The following DPYD variants were observed in gnomAD, a reference collection of about 807,000 sequenced individuals.
DPYD encodes dihydropyrimidine dehydrogenase.
Under a neutral mutation model 116.2 loss-of-function variants are expected in DPYD, and 109 were observed. The observed-to-expected ratio is 0.94, with a 90% CI of 0.80 to 1.10. The LOEUF is 1.10. Ranked by LOEUF, DPYD falls within the 50% of genes least tolerant of loss-of-function variation. The pLI, the probability that DPYD is intolerant of heterozygous loss-of-function variation, is 0.00. For missense variants in DPYD, 1,302 were observed against 1,254.5 expected (o/e 1.04, Z -0.57); for synonymous variants, 440 against 432.0 (o/e 1.02, Z -0.23).
chr1:97,548,646 G>A (rs970067703), intron 12 of DPYD, among the ~76,000 whole-genome samples: 5 of 152,156 alleles, frequency 3.3e-5, no homozygotes, highest in Admixed American at 2.6e-4. Flanking sequence ...TGAGGCATAA[G>A]AATTGCTTGA....
intron 20 of DPYD, among the ~76,000 whole-genome samples, chr1:97,116,774 T>C (rs1651997675): frequency 6.6e-6 from 1 of 152,142 alleles, no homozygotes; most frequent in South Asian, 2.1e-4. Flanking sequence ...ACAGGATTAA[T>C]TTTTGTACAC....
intron 21 of DPYD, among the ~76,000 whole-genome samples, chr1:97,097,670 C>T (rs1223955144): frequency 6.6e-6 from 1 of 152,114 alleles, no homozygotes; most frequent in African/African-American, 2.4e-5. Flanking sequence ...GTGGTGATGT[C>T]ACTGTTTTGC....
chr1:97,290,917 A>T (rs981894821), intron 18 of DPYD, among the ~76,000 whole-genome samples: 2 of 151,864 alleles, frequency 1.3e-5, no homozygotes, highest in African/African-American at 4.8e-5. Context: ...AAATGGGAGA[A>T]AATTTTCACA....
At chr1:97,624,065 G>T (rs1235836688) in intron 8 of DPYD, among the ~76,000 whole-genome samples, 1 of 151,942 alleles carries the variant, frequency 6.6e-6, no homozygotes, top group Non-Finnish European at 1.5e-5. Context: ...CATTGGTCTG[G>T]GAAATGATGT....
At chr1:97,287,370 G>C (rs926282035) in intron 18 of DPYD, among the ~76,000 whole-genome samples, 1 of 152,184 alleles carries the variant, frequency 6.6e-6, no homozygotes, top group Non-Finnish European at 1.5e-5. Context: ...CTGCTCGGGG[G>C]TCAGGGGTCA....
At chr1:97,362,665 T>C (rs1034817363) in intron 16 of DPYD, among the ~76,000 whole-genome samples, 16 of 152,172 alleles carry the variant, frequency 1.1e-4, no homozygotes, top group Non-Finnish European at 1.5e-5. Context: ...TACAACCATC[T>C]GATCTTTGAC....
At chr1:97,695,529 C>T (rs1290384017) in intron 6 of DPYD, among the ~76,000 whole-genome samples, 2 of 150,898 alleles carry the variant, frequency 1.3e-5, no homozygotes, top group Non-Finnish European at 1.5e-5. Context: ...AGGCACTTTG[C>T]CTTGTTTACT....
intron 16 of DPYD, among the ~76,000 whole-genome samples, chr1:97,316,602 G>A (rs188115718): frequency 7.4e-4 from 112 of 151,096 alleles, no homozygotes; most frequent in Non-Finnish European, 1.3e-3. Flanking sequence ...TTCCAGGTGT[G>A]TTGGGCCTCC....
At chr1:97,555,635 A>G (rs1651641155) in intron 11 of DPYD, among the ~76,000 whole-genome samples, 1 of 152,092 alleles carries the variant, frequency 6.6e-6, no homozygotes, top group Non-Finnish European at 1.5e-5. Flanking sequence ...TTGTCCCACA[A>G]TTCACAGAGA....
chr1:97,466,853 T>C (rs1677352943), intron 13 of DPYD, among the ~76,000 whole-genome samples: 1 of 152,044 alleles, frequency 6.6e-6, no homozygotes, highest in African/African-American at 2.4e-5. Context: ...TTTTCATATA[T>C]TACCCATAAA....
At chr1:97,274,327 C>A (rs1205173493) in intron 18 of DPYD, among the ~76,000 whole-genome samples, 14 of 152,036 alleles carry the variant, frequency 9.2e-5, no homozygotes, top group Non-Finnish European at 1.5e-5. Flanking sequence ...TGCATGAGTT[C>A]TAGCAATCTA....
chr1:97,910,200 T>C (rs967125728), intron 1 of DPYD, among the ~76,000 whole-genome samples: 4 of 152,134 alleles, frequency 2.6e-5, no homozygotes, highest in Admixed American at 6.6e-5. Context: ...TTTTTTACTA[T>C]TGTTCCTCCA....
intron 19 of DPYD, among the ~76,000 whole-genome samples, chr1:97,219,086 C>T (rs773032487): frequency 9.9e-5 from 15 of 152,088 alleles, no homozygotes; most frequent in Non-Finnish European, 2.2e-4. Context: ...GTGGCCATAA[C>T]CCATGAGTTT....
chr1:97,134,776 G>A (rs1394357936), intron 20 of DPYD, among the ~76,000 whole-genome samples: 4 of 152,144 alleles, frequency 2.6e-5, no homozygotes, highest in Admixed American at 2.0e-4. Flanking sequence ...GGCCACGTGA[G>A]ATGTTGCTTC....
intron 13 of DPYD, among the ~76,000 whole-genome samples, chr1:97,508,412 C>T (rs914889004): frequency 6.6e-6 from 1 of 151,956 alleles, no homozygotes; most frequent in Admixed American, 6.6e-5. Context: ...GCCAGTGTGG[C>T]TGGCAAAAAA....
At chr1:97,487,490 G>A (rs532294362) in intron 13 of DPYD, among the ~76,000 whole-genome samples, 133 of 152,138 alleles carry the variant, frequency 8.7e-4, no homozygotes, top group Non-Finnish European at 1.6e-3. Flanking sequence ...TGGCTAACAC[G>A]GTGAAACCCC....
chr1:97,802,871 G>A (rs1358060114), intron 3 of DPYD, among the ~76,000 whole-genome samples: 1 of 151,746 alleles, frequency 6.6e-6, no homozygotes, highest in Non-Finnish European at 1.5e-5. Context: ...TTTTTGTGAT[G>A]TTTGCTGTTC....
chr1:97,904,880 C>G (rs1039041472), intron 1 of DPYD, among the ~76,000 whole-genome samples: 1 of 151,966 alleles, frequency 6.6e-6, no homozygotes, highest in African/African-American at 2.4e-5. Context: ...ACTCAAAATT[C>G]CATATCAATC....
intron 5 of DPYD, among the ~76,000 whole-genome samples, chr1:97,710,730 A>T (rs950275621): frequency 1.3e-5 from 2 of 151,550 alleles, no homozygotes; most frequent in African/African-American, 4.8e-5. Context: ...GAAAAAAAAC[A>T]TAGACTCTCC....
Sources: allele counts gnomAD v4.1 joint callset (sites outside exome capture counted in the v4.1 genomes callset), GRCh38; gene constraint gnomAD v4.1.1; transcripts MANE v1.5; gene names NCBI Gene and HGNC (gene_info 2026-07-23, HGNC 2026-07-21).